The following CA10 variants were observed in gnomAD, a reference collection of about 807,000 sequenced individuals.
The protein encoded by CA10 is carbonic anhydrase 10 (inactive), also known as carbonic anhydrase-related protein 10.
CA10 carries 14 observed loss-of-function variants against 44.2 expected under a neutral mutation model. The ratio of observed to expected loss-of-function variants is 0.32; its 90% CI spans 0.21 to 0.50. The LOEUF is 0.50. Ranked by LOEUF, CA10 falls within the 20% of genes least tolerant of loss-of-function variation. The pLI is 0.99. For synonymous variants in CA10, 159 were observed against 141.6 expected (o/e 1.12, Z -0.87); for missense variants, 350 against 409.7 (o/e 0.85, Z 1.26).
chr17:51,654,188 A>G (rs1330850313), intron 4 of CA10, among the ~76,000 whole-genome samples: 2 of 151,944 alleles, frequency 1.3e-5, no homozygotes, highest in Non-Finnish European at 2.9e-5. Context: ...GTCAGCCATG[A>G]CTGGGATGAA....
At chr17:51,984,058 C>G (rs966822907) in intron 2 of CA10, among the ~76,000 whole-genome samples, 1 of 151,676 alleles carries the variant, frequency 6.6e-6, no homozygotes, top group Non-Finnish European at 1.5e-5. Flanking sequence ...TATTCTTATT[C>G]TAGTGTTTTT....
chr17:52,094,991 G>A (rs1485202749), intron 1 of CA10, among the ~76,000 whole-genome samples: 1 of 152,066 alleles, frequency 6.6e-6, no homozygotes, highest in Non-Finnish European at 1.5e-5. Context: ...AAATATTAGT[G>A]CGCATGTCTA....
intron 5 of CA10, 33 bp downstream of exon 5, chr17:51,653,608 G>A (rs754771474): frequency 1.0e-5 from 11 of 1,095,620 alleles, no homozygotes. Flanking sequence ...AGGTGGGGAT[G>A]GTGAGAAGAA....
chr17:51,988,818 G>GA (rs1984936654), intron 2 of CA10, among the ~76,000 whole-genome samples: 1 of 151,588 alleles, frequency 6.6e-6, no homozygotes, highest in African/African-American at 2.4e-5. Context: ...TATGCACATT[G>GA]AAAAAAATGT....
chr17:51,786,895 A>G (rs1403783240), intron 3 of CA10, among the ~76,000 whole-genome samples: 1 of 152,044 alleles, frequency 6.6e-6, no homozygotes, highest in Non-Finnish European at 1.5e-5. Flanking sequence ...GGAATGTTGA[A>G]TTTTATAAAA....
intron 3 of CA10, among the ~76,000 whole-genome samples, chr17:51,754,792 C>A (rs1286665320): frequency 6.6e-6 from 1 of 152,124 alleles, no homozygotes; most frequent in Non-Finnish European, 1.5e-5. Flanking sequence ...CAATTAACCA[C>A]TACACTTATT....
intron 4 of CA10, among the ~76,000 whole-genome samples, chr17:51,728,657 G>A (rs1916610293): frequency 2.0e-5 from 3 of 152,148 alleles, no homozygotes; most frequent in South Asian, 4.1e-4. Flanking sequence ...ATATCCACAA[G>A]ACGTCCCTGG....
chr17:51,691,336 A>C (rs1034445020), intron 4 of CA10, among the ~76,000 whole-genome samples: 1 of 152,212 alleles, frequency 6.6e-6, no homozygotes, highest in Admixed American at 6.5e-5. Flanking sequence ...GGGATGTTGA[A>C]CATTTTTTCA....
At chr17:52,068,284 C>T (rs9904007) in intron 2 of CA10, among the ~76,000 whole-genome samples, 75,148 of 152,106 alleles carry the variant, frequency 0.49, 19,325 homozygotes, top group African/African-American at 0.61. Flanking sequence ...CAGCACTTTT[C>T]CTTCCTGCAG....
intron 1 of CA10, among the ~76,000 whole-genome samples, chr17:52,154,963 A>G (rs772948389): frequency 6.6e-6 from 1 of 152,206 alleles, no homozygotes; most frequent in Non-Finnish European, 1.5e-5. Flanking sequence ...GGGTTAGAGG[A>G]AGTGTTGGAA....
intron 3 of CA10, among the ~76,000 whole-genome samples, chr17:51,872,607 T>C (rs557234046): frequency 4.6e-5 from 7 of 152,330 alleles, no homozygotes; most frequent in Admixed American, 2.0e-4. Flanking sequence ...AGTCTCCTTG[T>C]AAGGGTATAC....
chr17:51,686,233 A>G lies in CA10; in HGVS notation c.466-32497T>C, dbSNP rs971401879. On this transcript the variant is annotated intron_variant, in intron 4 of 8. Transcript: ENST00000451037. ...TGACTTTGCTCCTCATTCACCTGCC[A>G]TGATTGTGAGGCCTTCCCAGCTATG... Among the ~76,000 whole-genome samples the G allele has an allele frequency of 2.6e-5, 4 of 152,182 alleles. No homozygotes were observed. In the South Asian group the frequency reaches 8.3e-4, roughly 32 times the overall value.
chr17:52,110,443 C>A (rs1988765467), intron 1 of CA10, among the ~76,000 whole-genome samples: 1 of 152,188 alleles, frequency 6.6e-6, no homozygotes, highest in Non-Finnish European at 1.5e-5. Flanking sequence ...TGTAAGTATC[C>A]AATGACATTT....
At position 51,873,008 on chromosome 17, in the gene CA10, C is replaced by T. The variant is rs16950685; in HGVS notation, c.279+57982G>A. Among the ~76,000 whole-genome samples, 519 of 152,174 alleles carry T rather than the reference C, an allele frequency of 3.4e-3. 3 individuals are homozygous for T. Among genetic ancestry groups the T allele is most frequent in the African/African-American group, 0.012 (502 of 41,512 alleles). ...ATCAACAATGGTGCTGATCAAACAC[C>T]CACTGTCAAGAGTTCAATGTGCTGT... is the stretch of plus-strand genomic sequence containing the variant. On this transcript the variant is annotated intron_variant, in intron 3 of 8. Transcript: ENST00000451037.
intron 1 of CA10, among the ~76,000 whole-genome samples, chr17:52,139,789 A>T (rs1429382691): frequency 6.6e-6 from 1 of 152,122 alleles, no homozygotes; most frequent in African/African-American, 2.4e-5. Flanking sequence ...AGAATCAGAG[A>T]TGGATAAGAA....
chr17:52,051,221 C>T (rs1287202812), intron 2 of CA10, among the ~76,000 whole-genome samples: 6 of 151,898 alleles, frequency 4.0e-5, no homozygotes, highest in African/African-American at 1.4e-4. Flanking sequence ...TAGGCAATAC[C>T]ATTCAGGACA....
intron 1 of CA10, among the ~76,000 whole-genome samples, chr17:52,152,571 T>A: frequency 6.6e-6 from 1 of 152,152 alleles, no homozygotes; most frequent in East Asian, 1.9e-4. Flanking sequence ...TATTAAACAA[T>A]TAGACATTAT....
chr17:52,095,077 T>C (rs1014400200), intron 1 of CA10, among the ~76,000 whole-genome samples: 1 of 152,190 alleles, frequency 6.6e-6, no homozygotes, highest in African/African-American at 2.4e-5. Context: ...ATATGTCTAC[T>C]GACACCAGAA....
intron 1 of CA10, among the ~76,000 whole-genome samples, chr17:52,100,745 G>A (rs1386564116): frequency 6.6e-6 from 1 of 151,956 alleles, no homozygotes; most frequent in Non-Finnish European, 1.5e-5. Context: ...CTCCTCCAAG[G>A]AACATCTCAA....
Sources: allele counts gnomAD v4.1 joint callset (sites outside exome capture counted in the v4.1 genomes callset), GRCh38; gene constraint gnomAD v4.1.1; transcripts MANE v1.5; gene names NCBI Gene and HGNC (gene_info 2026-07-23, HGNC 2026-07-21).